Variants in XKR9 observed in about 807,000 individuals in gnomAD.
XKR9 encodes the protein XK related 9.
A neutral mutation model predicts 32.0 loss-of-function variants in XKR9; 32 were observed. That is an observed-to-expected ratio of 1.00 (90% CI 0.76 to 1.34). XKR9 has a LOEUF of 1.34. Ranked by LOEUF, XKR9 falls within the 40% of genes most tolerant of loss-of-function variation. XKR9 has a pLI of 0.00. For missense variants in XKR9, 546 were observed against 429.7 expected (o/e 1.27, Z -2.39); for synonymous variants, 168 against 143.4 (o/e 1.17, Z -1.22).
At chr8:70,880,930 CA>C in the XKR9 span, among the ~76,000 whole-genome samples, 1 of 152,146 alleles carries the variant, frequency 6.6e-6, no homozygotes, top group African/African-American at 2.4e-5. Context: ...GATATATTTT[CA>C]AATGGAACAG....
At chr8:70,939,682 G>C in the XKR9 span, among the ~76,000 whole-genome samples, 1 of 152,064 alleles carries the variant, frequency 6.6e-6, no homozygotes, top group East Asian at 1.9e-4. Flanking sequence ...ATACAATACT[G>C]GGTTTACCAT....
the XKR9 span, among the ~76,000 whole-genome samples, chr8:71,059,852 G>T: frequency 6.6e-6 from 1 of 152,258 alleles, no homozygotes; most frequent in African/African-American, 2.4e-5. Context: ...ACTTGCTTTG[G>T]GAAGAGAGAG....
the XKR9 span, among the ~76,000 whole-genome samples, chr8:70,876,332 C>T: frequency 1.3e-5 from 2 of 150,750 alleles, no homozygotes; most frequent in Admixed American, 1.3e-4. Context: ...AGCAATTCTC[C>T]TCCTGAGTAG....
At chr8:70,759,392 A>T (rs1432303930) in intron 2 of XKR9, among the ~76,000 whole-genome samples, 1 of 152,162 alleles carries the variant, frequency 6.6e-6, no homozygotes, top group Non-Finnish European at 1.5e-5. Flanking sequence ...AAAAAAGAGG[A>T]ATAATTTTTC....
At chr8:70,907,412 G>A in the XKR9 span, among the ~76,000 whole-genome samples, 2 of 152,144 alleles carry the variant, frequency 1.3e-5, no homozygotes, top group African/African-American at 2.4e-5. Flanking sequence ...ATGCTTTTAT[G>A]ACAGTCTGTA....
the XKR9 span, among the ~76,000 whole-genome samples, chr8:70,994,032 A>G: frequency 6.6e-6 from 1 of 152,126 alleles, no homozygotes; most frequent in Non-Finnish European, 1.5e-5. Context: ...ACTGGCCCTC[A>G]CCAAATCTGG....
At chr8:71,021,498 CTTTTTTTTTTTT>C in the XKR9 span, among the ~76,000 whole-genome samples, 1 of 101,418 alleles carries the variant, frequency 9.9e-6, no homozygotes, top group African/African-American at 3.6e-5. Context: ...TTGATGGTTT[CTTTTTTTTTTTT>C]TTTTTTTTTT....
chr8:71,028,825 G>A, the XKR9 span, among the ~76,000 whole-genome samples: 1 of 152,118 alleles, frequency 6.6e-6, no homozygotes. Flanking sequence ...ATACTATGCA[G>A]CTAACTATTC....
chr8:70,916,214 C>T, the XKR9 span, among the ~76,000 whole-genome samples: 1 of 152,172 alleles, frequency 6.6e-6, no homozygotes, highest in Non-Finnish European at 1.5e-5. Context: ...TTCTGCATTC[C>T]ACTGGGTTAT....
chr8:70,774,670 C>T (rs1807496065), intron 2 of XKR9, among the ~76,000 whole-genome samples: 1 of 152,100 alleles, frequency 6.6e-6, no homozygotes, highest in South Asian at 2.1e-4. Flanking sequence ...ACTGTCCTCT[C>T]CCCATCAAAT....
chr8:70,875,890 A>G, the XKR9 span, among the ~76,000 whole-genome samples: 206 of 152,304 alleles, frequency 1.4e-3, 1 homozygote, highest in African/African-American at 4.6e-3. Context: ...TATGGGGTTG[A>G]TAGAAACTGA....
the XKR9 span, among the ~76,000 whole-genome samples, chr8:71,045,139 CTG>C: frequency 2.6e-5 from 4 of 152,248 alleles, no homozygotes; most frequent in Admixed American, 2.0e-4. Context: ...ATTTCCAACA[CTG>C]TTTCATATTA....
In XKR9 at chr8:70,735,210, CA is replaced by C. The variant is rs1414356334; in HGVS notation, c.*787del. On this transcript the variant is annotated 3_prime_UTR_variant, in exon 5 of 5. Coordinates refer to ENST00000408926, the MANE Select transcript of XKR9 (RefSeq NM_001011720.2). ...GTGCAACAGATCTCAAGGACTTTTT[CA>C]CCTTGTAAAACTAAGATTCTCTATT... is the stretch of plus-strand genomic sequence containing the variant. 6.6e-6 allele frequency: 1 copy of C among 151,764 alleles called. No homozygotes were observed. Among genetic ancestry groups the C allele is most frequent in the African/African-American group, 2.4e-5 (1 of 41,286 alleles). 9.4% of individuals were successfully genotyped at this position (151,764 alleles called of 1,614,324 possible). A position where few individuals can be genotyped will look rare whatever the true frequency, so the allele number is the denominator to read the frequency against.
At chr8:70,739,723 A>T (rs1286096635), downstream of XKR9, among the ~76,000 whole-genome samples, 1 of 152,098 alleles carries the variant, frequency 6.6e-6, no homozygotes, top group Non-Finnish European at 1.5e-5. Flanking sequence ...TCCTTCACTT[A>T]TTAAGCTTAG....
the XKR9 span, among the ~76,000 whole-genome samples, chr8:70,936,800 A>G: frequency 2.0e-5 from 3 of 152,048 alleles, no homozygotes; most frequent in Non-Finnish European, 2.9e-5. Flanking sequence ...AACCAGGCAG[A>G]TGTCAGGGTA....
chr8:70,757,645 G>T (rs1807247212), intron 2 of XKR9, among the ~76,000 whole-genome samples: 2 of 152,164 alleles, frequency 1.3e-5, no homozygotes, highest in South Asian at 2.1e-4. Context: ...GGCATGTGGT[G>T]CCGCAATCTC....
At chr8:70,820,311 C>T in the XKR9 span, among the ~76,000 whole-genome samples, 2 of 152,108 alleles carry the variant, frequency 1.3e-5, no homozygotes, top group Non-Finnish European at 1.5e-5. Flanking sequence ...TTTTGCATTG[C>T]TATAAAGGAA....
chr8:70,976,034 C>T, the XKR9 span, among the ~76,000 whole-genome samples: 12 of 152,136 alleles, frequency 7.9e-5, no homozygotes, highest in Non-Finnish European at 7.3e-5. Context: ...CATGATTTGG[C>T]TCTCTGTTTG....
the XKR9 span, among the ~76,000 whole-genome samples, chr8:70,854,503 C>T: frequency 6.6e-6 from 1 of 152,134 alleles, no homozygotes; most frequent in African/African-American, 2.4e-5. Flanking sequence ...GTTTCTTTTG[C>T]TGGGCAGAAG....
Sources: allele counts gnomAD v4.1 joint callset (sites outside exome capture counted in the v4.1 genomes callset), GRCh38; gene constraint gnomAD v4.1.1; transcripts MANE v1.5; gene names NCBI Gene and HGNC (gene_info 2026-07-23, HGNC 2026-07-21).